Variants in ZNF385D observed in about 807,000 individuals in gnomAD.
ZNF385D encodes zinc finger protein 385D, also known as zinc finger protein 659.
ZNF385D carries 15 observed loss-of-function variants against 35.8 expected under a neutral mutation model. The observed-to-expected ratio is 0.42, with a 90% CI of 0.28 to 0.64. The LOEUF is 0.64. Among genes scored for constraint, ZNF385D ranks in the 30% least tolerant of loss-of-function variants. ZNF385D has a pLI of 0.23. For missense variants in ZNF385D, 474 were observed against 494.6 expected, an observed-to-expected ratio of 0.96 and a Z score of 0.39; for synonymous variants, 212 against 186.8, an observed-to-expected ratio of 1.13 and a Z score of -1.10.
intron 3 of ZNF385D, among the ~76,000 whole-genome samples, chr3:21,800,614 T>G (rs2072353224): frequency 6.6e-6 from 1 of 152,188 alleles, no homozygotes; most frequent in Admixed American, 6.5e-5. Context: ...TATTTTTTAT[T>G]TAATTATTCT....
At chr3:22,230,414 TAA>T (rs1371013630) in intron 2 of ZNF385D, among the ~76,000 whole-genome samples, 1 of 152,128 alleles carries the variant, frequency 6.6e-6, no homozygotes, top group Non-Finnish European at 1.5e-5. Context: ...CTGCTTCCCA[TAA>T]AAGGCCTACG....
chr3:21,928,980 G>C (rs1248751983), intron 3 of ZNF385D, among the ~76,000 whole-genome samples: 1 of 152,066 alleles, frequency 6.6e-6, no homozygotes, highest in Non-Finnish European at 1.5e-5. Context: ...CATTTTAAGA[G>C]GCTACAATTT....
In ZNF385D at chr3:21,664,949, T is replaced by G; in HGVS notation, c.102A>C (p.Lys34Asn). 1 of 1,613,384 alleles carries G rather than the reference T, an allele frequency of 6.2e-7. No homozygotes were observed. The highest frequency in any genetic ancestry group is 1.3e-5 in the African/African-American group (1 of 74,806). Residue 34 changes from lysine to asparagine, a missense_variant, in exon 2 of 8, where the codon AAA becomes AAC. Transcript: ENST00000281523. ...APPLQPSLDI[K>N]PFLPFPLDTA... is the part of the protein sequence containing the mutation. ...TGTCAAGAGGAAAGGGAAGAAATGG[T>G]TTAATATCCAGCGATGGTTGCAAAG...
chr3:22,160,458 C>A (rs919247411), intron 3 of ZNF385D, among the ~76,000 whole-genome samples: 10 of 151,936 alleles, frequency 6.6e-5, no homozygotes, highest in Non-Finnish European at 1.2e-4. Context: ...CGATAAAAAT[C>A]TATGAAGCTA....
intron 3 of ZNF385D, among the ~76,000 whole-genome samples, chr3:21,927,837 A>C (rs761559393): frequency 1.8e-4 from 27 of 152,166 alleles, no homozygotes; most frequent in Non-Finnish European, 3.8e-4. Context: ...TCAAGGTACA[A>C]ATGAGCGATT....
intron 2 of ZNF385D, among the ~76,000 whole-genome samples, chr3:21,638,836 T>C (rs1301962065): frequency 1.3e-5 from 2 of 152,074 alleles, no homozygotes; most frequent in African/African-American, 2.4e-5. Context: ...TACTGGAATT[T>C]GACAAGGAAT....
At chr3:22,157,579 A>T (rs988555930) in intron 3 of ZNF385D, among the ~76,000 whole-genome samples, 2 of 152,134 alleles carry the variant, frequency 1.3e-5, no homozygotes, top group African/African-American at 2.4e-5. Flanking sequence ...ATATTCTTGC[A>T]TTAATTCGGC....
intron 3 of ZNF385D, among the ~76,000 whole-genome samples, chr3:21,892,167 A>G (rs1364982861): frequency 6.6e-6 from 1 of 152,190 alleles, no homozygotes; most frequent in Non-Finnish European, 1.5e-5. Flanking sequence ...AAATTAAAAC[A>G]CCTCAAATGA....
chr3:21,542,578 C>T (rs1020755543), intron 3 of ZNF385D, among the ~76,000 whole-genome samples: 2 of 152,116 alleles, frequency 1.3e-5, no homozygotes, highest in African/African-American at 4.8e-5. Context: ...ATCCCTTGGC[C>T]TGCCAGTGAT....
At chr3:21,632,206 T>G (rs1437220977) in intron 2 of ZNF385D, among the ~76,000 whole-genome samples, 1 of 152,088 alleles carries the variant, frequency 6.6e-6, no homozygotes, top group Non-Finnish European at 1.5e-5. Context: ...GAGCCTATTT[T>G]TAGTGGTAGA....
intron 1 of ZNF385D, among the ~76,000 whole-genome samples, chr3:21,696,906 C>G (rs2067491390): frequency 6.6e-6 from 1 of 152,156 alleles, no homozygotes; most frequent in African/African-American, 2.4e-5. Context: ...TTTTATTTAC[C>G]TGTTTGTATC....
At chr3:22,159,035 G>C (rs1015555056) in intron 3 of ZNF385D, among the ~76,000 whole-genome samples, 1 of 151,844 alleles carries the variant, frequency 6.6e-6, no homozygotes, top group African/African-American at 2.4e-5. Context: ...CACAGGGACT[G>C]GAAGATGTTG....
At chr3:22,288,683 C>A (rs1036273479) in intron 2 of ZNF385D, among the ~76,000 whole-genome samples, 2 of 152,058 alleles carry the variant, frequency 1.3e-5, no homozygotes, top group Admixed American at 6.6e-5. Context: ...CTTTTGAATT[C>A]TTTGTTGGGT....
intron 3 of ZNF385D, among the ~76,000 whole-genome samples, chr3:22,019,034 CTTTTTTTTTTTTTTTTT>C (rs11380195): frequency 0.015 from 945 of 64,610 alleles, 50 homozygotes; most frequent in African/African-American, 0.066. Flanking sequence ...AGTTATTTAC[CTTTTTTTTTTTTTTTTT>C]TTTTTTTTTT....
Position 22,343,073 on chromosome 3 carries a change from C to T in ZNF385D, c.106+29377G>A, listed in dbSNP as rs551868580. The stretch of plus-strand genomic sequence containing the variant: ...GTTTTATAATGATTATACGTTTTAA[C>T]GATACATATTTGGAGATATTTGGTT... On this transcript the variant is annotated intron_variant, in intron 2 of 5. Coordinates refer to the ZNF385D transcript ENST00000494108. Among the ~76,000 whole-genome samples, 26 of 152,242 alleles carry T rather than the reference C, an allele frequency of 1.7e-4. 1 individual carries two copies. The South Asian group carries it at 4.1e-3, about 24-fold the overall frequency.
At chr3:22,131,492 G>A (rs575661349) in intron 3 of ZNF385D, among the ~76,000 whole-genome samples, 3 of 152,258 alleles carry the variant, frequency 2.0e-5, no homozygotes, top group Non-Finnish European at 4.4e-5. Context: ...TAAGATAAAA[G>A]AATAGTGTAT....
rs1019284255 is a variant in ZNF385D at position 22,249,154 on chromosome 3, T to C, written c.107-80119A>G. On this transcript the variant is annotated intron_variant, in intron 2 of 5. Coordinates refer to the ZNF385D transcript ENST00000494108. ...GACTAGATAAGCCAAGCCATGTCCA[T>C]TCTAAATCCCATACCTGAATAGTTA... Among the ~76,000 whole-genome samples the C allele has an allele frequency of 2.6e-5, 4 of 152,118 alleles. 1 individual carries two copies. The highest frequency in any genetic ancestry group is 9.7e-5 in the African/African-American group (4 of 41,438).
At chr3:22,353,233 T>A (rs1208090026) in intron 2 of ZNF385D, among the ~76,000 whole-genome samples, 2 of 152,070 alleles carry the variant, frequency 1.3e-5, no homozygotes, top group African/African-American at 4.8e-5. Flanking sequence ...GTCCCCCTAT[T>A]AGAAAAATGG....
At chr3:22,094,410 A>ATATATATATATATATATATATATATATAT (rs1386186822) in intron 3 of ZNF385D, among the ~76,000 whole-genome samples, 11 of 83,456 alleles carry the variant, frequency 1.3e-4, no homozygotes, top group African/African-American at 3.6e-4. Context: ...ATATATATAT[A>ATATATATATATATATATATATATATATAT]AAGGCATTTG....
Sources: allele counts gnomAD v4.1 joint callset (sites outside exome capture counted in the v4.1 genomes callset), GRCh38; gene constraint gnomAD v4.1.1; transcripts MANE v1.5; gene names NCBI Gene and HGNC (gene_info 2026-07-23, HGNC 2026-07-21).